The following ANO3 variants were observed in gnomAD, a reference collection of about 807,000 sequenced individuals.
ANO3 encodes the protein anoctamin-3.
Under a neutral mutation model 144.8 loss-of-function variants are expected in ANO3, and 99 were observed. The ratio of observed to expected loss-of-function variants is 0.68; its 90% confidence interval spans 0.58 to 0.81. The LOEUF (loss-of-function observed/expected upper bound fraction) is 0.81. ANO3 is among the 30% of genes least tolerant of loss of function. The pLI is 0.00. For synonymous variants in ANO3, 414 were observed against 392.6 expected (o/e 1.05, Z -0.64); for missense variants, 905 against 1,202.2 (o/e 0.75, Z 3.66).
At chr11:26,453,990 G>A (rs1179910167) in intron 3 of ANO3, among the ~76,000 whole-genome samples, 12 of 152,180 alleles carry the variant, frequency 7.9e-5, no homozygotes, top group East Asian at 7.7e-4. Context: ...GGTATATAAC[G>A]AAATGAAGGC....
At chr11:26,339,356 T>C (rs921300819) in intron 1 of ANO3, among the ~76,000 whole-genome samples, 2 of 152,134 alleles carry the variant, frequency 1.3e-5, no homozygotes, top group African/African-American at 4.8e-5. Context: ...GATTTCACCA[T>C]GTTGGCCAGG....
intron 11 of ANO3, among the ~76,000 whole-genome samples, chr11:26,545,472 T>C (rs900128923): frequency 1.3e-5 from 2 of 152,010 alleles, no homozygotes; most frequent in Non-Finnish European, 2.9e-5. Flanking sequence ...ATGAAAAATA[T>C]TTGAAACTAA....
intron 1 of ANO3, among the ~76,000 whole-genome samples, chr11:26,404,971 GT>G (rs1857242848): frequency 6.9e-6 from 1 of 145,096 alleles, no homozygotes; most frequent in African/African-American, 2.6e-5. Context: ...GTGTGTGTGT[GT>G]GTGTGTGTCT....
At chr11:26,650,339 T>G (rs2133081580) in intron 24 of ANO3, among the ~76,000 whole-genome samples, 1 of 152,334 alleles carries the variant, frequency 6.6e-6, no homozygotes, top group African/African-American at 2.4e-5. Context: ...AGCATAGCTC[T>G]GTAATTAAGA....
chr11:26,337,873 T>G (rs1855233706), intron 1 of ANO3, among the ~76,000 whole-genome samples: 2 of 152,056 alleles, frequency 1.3e-5, no homozygotes, highest in Non-Finnish European at 2.9e-5. Flanking sequence ...AGGCAGATGT[T>G]GCAGTGAGCC....
Position 26,619,669 on chromosome 11 carries a change from G to C in ANO3, c.1837-4793G>C, listed in dbSNP as rs560539967. Among the ~76,000 whole-genome samples, 149 of 152,190 alleles carry C rather than the reference G, an allele frequency of 9.8e-4. 2 individuals carry two copies. The highest frequency in any genetic ancestry group is 4.1e-4 in the Non-Finnish European group (28 of 67,994). Reference sequence around the variant, plus strand: ...TTTAGTAGAGATAGGGTTTCACCATGTTGGCCTGGCTGGTCTCAAACTCCT... The same window carrying C: ...TTTAGTAGAGATAGGGTTTCACCATCTTGGCCTGGCTGGTCTCAAACTCCT... On this transcript the variant is annotated intron_variant, in intron 17 of 26. Transcript: ENST00000256737.
At chr11:26,383,179 A>G (rs1338492983) in intron 1 of ANO3, among the ~76,000 whole-genome samples, 3 of 152,208 alleles carry the variant, frequency 2.0e-5, no homozygotes, top group African/African-American at 7.2e-5. Flanking sequence ...AATATTTGCC[A>G]TCCCATAATC....
chr11:26,566,380 T>C (rs193193341), intron 14 of ANO3, among the ~76,000 whole-genome samples: 52 of 152,144 alleles, frequency 3.4e-4, no homozygotes, highest in African/African-American at 1.2e-3. Flanking sequence ...CATTACTGAC[T>C]ATACATTAAA....
chr11:26,596,965 G>A (rs35760232), intron 14 of ANO3, among the ~76,000 whole-genome samples: 42,347 of 152,100 alleles, frequency 0.28, 6,403 homozygotes, highest in South Asian at 0.46. Flanking sequence ...AGGGTTGGGG[G>A]TTGTTAGAAA....
At chr11:26,626,777 C>G (rs1158852006) in intron 18 of ANO3, among the ~76,000 whole-genome samples, 1 of 128,008 alleles carries the variant, frequency 7.8e-6, no homozygotes, top group Admixed American at 7.5e-5. Context: ...TTATCATATT[C>G]AATAGTTTTT....
At chr11:26,216,949 T>G (rs991886741) in intron 1 of ANO3, among the ~76,000 whole-genome samples, 1 of 152,064 alleles carries the variant, frequency 6.6e-6, no homozygotes, top group African/African-American at 2.4e-5. Flanking sequence ...AGAGTTTTTC[T>G]ATGGTTTGTA....
chr11:26,586,222 C>A (rs1851270954), intron 14 of ANO3, among the ~76,000 whole-genome samples: 1 of 152,124 alleles, frequency 6.6e-6, no homozygotes, highest in African/African-American at 2.4e-5. Flanking sequence ...GTATCTTGAG[C>A]ATTGAAATTT....
intron 13 of ANO3, among the ~76,000 whole-genome samples, chr11:26,556,067 A>T (rs143699638): frequency 2.0e-3 from 298 of 152,316 alleles, no homozygotes; most frequent in African/African-American, 6.5e-3. Context: ...GTCCTATCAT[A>T]TGATAAAAAT....
At chr11:26,622,241 C>A (rs1354170214) in intron 17 of ANO3, among the ~76,000 whole-genome samples, 4 of 151,890 alleles carry the variant, frequency 2.6e-5, no homozygotes, top group Non-Finnish European at 5.9e-5. Context: ...TATTGTAACC[C>A]CCCTAATGCA....
At chr11:26,403,276 T>C (rs1389749339) in intron 1 of ANO3, among the ~76,000 whole-genome samples, 1 of 151,964 alleles carries the variant, frequency 6.6e-6, no homozygotes, top group Non-Finnish European at 1.5e-5. Flanking sequence ...CTCTCTCTTT[T>C]ATTGCAATAA....
At chr11:26,572,988 G>T (rs1850885438) in intron 14 of ANO3, among the ~76,000 whole-genome samples, 1 of 152,124 alleles carries the variant, frequency 6.6e-6, no homozygotes, top group South Asian at 2.1e-4. Context: ...TAACAACTTG[G>T]CATACTTCCT....
chr11:26,397,358 TTTTA>T (rs1260898958), intron 1 of ANO3, among the ~76,000 whole-genome samples: 1 of 152,080 alleles, frequency 6.6e-6, no homozygotes, highest in African/African-American at 2.4e-5. Flanking sequence ...TATTATAATG[TTTTA>T]TTTTTAGCTT....
At chr11:26,565,791 C>G in intron 14 of ANO3, 1 of 1,610,142 alleles carries the variant, frequency 6.2e-7, no homozygotes. Flanking sequence ...ATTTTCTTTT[C>G]CATGGCTCCC....
intron 1 of ANO3, among the ~76,000 whole-genome samples, chr11:26,301,187 T>A (rs1465864976): frequency 2.6e-5 from 4 of 152,080 alleles, no homozygotes. Context: ...ATAATGTATT[T>A]AATAAACTAT....
Sources: gnomAD v4.1 joint callset for allele counts (sites outside exome capture counted in the v4.1 genomes callset) on GRCh38, gnomAD v4.1.1 for gene constraint, MANE v1.5 for transcripts, NCBI Gene and HGNC (gene_info 2026-07-23, HGNC 2026-07-21) for gene names.